The following PLOD1 variants were observed in gnomAD, a reference collection of about 807,000 sequenced individuals.
PLOD1 encodes procollagen-lysine,2-oxoglutarate 5-dioxygenase 1.
PLOD1 carries 70 observed loss-of-function variants against 94.7 expected under a neutral mutation model. The ratio of observed to expected loss-of-function variants is 0.74; its 90% CI spans 0.61 to 0.90. PLOD1 has a LOEUF of 0.90. PLOD1 is among the 40% of genes least tolerant of loss of function. PLOD1 has a pLI of 0.00. For synonymous variants in PLOD1, 417 were observed against 400.2 expected (o/e 1.04, Z -0.50); for missense variants, 905 against 972.7 (o/e 0.93, Z 0.93).
At position 11,960,784 on chromosome 1, in the gene PLOD1, A is replaced by T. The variant is rs202022200; in HGVS notation, c.1097+17A>T. 2.5e-6 allele frequency: 4 copies of T among 1,612,262 alleles called. No individual in the cohort carries two copies. The highest frequency in any genetic ancestry group is 3.4e-6 in the Non-Finnish European group (4 of 1,179,938). ...CATGGGCGCGTGAGTTGTGGGCCAC[A>T]GTACTCTCCACTGACAGTGGGGGCA... On this transcript the variant is annotated intron_variant, in intron 10 of 18. Transcript: ENST00000196061.
rs1557495610 is a variant in PLOD1 at position 11,963,822 on chromosome 1, TTCCTCCTTTTTCCTCC to T, written c.1202+194_1202+209del. 1.3e-5 allele frequency among the ~76,000 whole-genome samples: 2 copies of T among 151,546 alleles called. No homozygotes were observed. Among genetic ancestry groups the T allele is most frequent in the Admixed American group, 6.6e-5 (1 of 15,190 alleles). On this transcript the variant is annotated intron_variant, in intron 11 of 18. Coordinates refer to ENST00000196061, the MANE Select transcript of PLOD1 (RefSeq NM_000302.4). This position sits in a 1 kb window ranked among gnomAD's most constrained non-coding sequence, Gnocchi z 4.3. ...CCTCCTCCTCTTCCTCTTCCTCCTC[TTCCTCCTTTTTCCTCC>T]TCCTCCTCGTCTTCCTCATCCTCTT... is the stretch of plus-strand genomic sequence containing the variant.
chr1:11,973,710 A>C (rs1292009066), intron 18 of PLOD1, among the ~76,000 whole-genome samples: 1 of 151,632 alleles, frequency 6.6e-6, no homozygotes, highest in Non-Finnish European at 1.5e-5. Flanking sequence ...CCCCCCAAGT[A>C]GTTGGGACCA....
In PLOD1 at chr1:11,970,801, C is replaced by T. The variant is rs1359830439; in HGVS notation, c.1887C>T (p.Pro629=). 1.2e-5 allele frequency: 20 copies of T among 1,603,970 alleles called. No homozygotes were observed. Among genetic ancestry groups the T allele is most frequent in the Middle Eastern group, 1.6e-4 (1 of 6,064 alleles). Residue 629 remains proline (P), a synonymous_variant, in exon 17 of 19, where the codon CCC becomes CCT. Transcript: ENST00000196061. ...YIAPMTEKLY[P]GYYTRAQFDL... ...CGCCCATGACGGAGAAGCTCTACCC[C>T]GGCTACTACACCAGGGTGGGCAAGC...
At chr1:11,973,061 AG>A in intron 18 of PLOD1, 64 bp downstream of exon 18, 1 of 1,602,436 alleles carries the variant, frequency 6.2e-7, no homozygotes, top group Non-Finnish European at 8.5e-7. Flanking sequence ...AGCTGAGGAG[AG>A]GCTTCAGGGT....
rs11553674 is a variant in PLOD1 at position 11,958,600 on chromosome 1, C to T, written c.928C>T (p.Arg310Trp). The part of the protein sequence containing the change: ...FVSLFFQRLL[R>W]LHYPQKHMRL... ...GTCCCTGTTCTTCCAGCGGCTCCTG[C>T]GGCTCCACTACCCCCAGAAACACAT... Residue 310 changes from arginine to tryptophan, a missense_variant, in exon 9 of 19, where the codon CGG (arginine) becomes TGG (tryptophan). Coordinates refer to ENST00000196061, the MANE Select transcript of PLOD1 (RefSeq NM_000302.4). This position sits in a 1 kb window ranked among gnomAD's most constrained non-coding sequence, Gnocchi z 4.3. The T allele has an allele frequency of 3.7e-5, 59 of 1,613,968 alleles. 1 individual carries two copies. The highest frequency in any genetic ancestry group is 1.2e-4 in the Admixed American group (7 of 59,994).
intron 4 of PLOD1, 123 bp downstream of exon 4, chr1:11,950,643 G>A: frequency 3.7e-6 from 3 of 812,200 alleles, no homozygotes; most frequent in Admixed American, 4.7e-5. Context: ...AGAATGTCCT[G>A]AATAGAGCTC....
rs371007185 is a variant in PLOD1 at position 11,956,951 on chromosome 1, G to A, written c.678G>A (p.Val226=). Residue 226 remains valine (V), a synonymous_variant, in exon 7 of 19, where the codon GTG becomes GTA. Coordinates refer to ENST00000196061, the MANE Select transcript of PLOD1 (RefSeq NM_000302.4). The part of the protein sequence containing the change: ...EVVLKFEMGH[V]RARNLAYDTL... ...TGCTCAAGTTTGAAATGGGCCATGT[G>A]AGAGCGAGGAACCTGGCCTATGACA... is the stretch of plus-strand genomic sequence containing the variant. 1.7e-5 allele frequency: 27 copies of A among 1,613,784 alleles called. No individual in the cohort carries two copies. The African/African-American group carries it at 3.2e-4, about 19-fold the overall frequency.
At chr1:11,939,590 G>A (rs1325062637) in intron 1 of PLOD1, among the ~76,000 whole-genome samples, 6 of 152,050 alleles carry the variant, frequency 3.9e-5, no homozygotes, top group East Asian at 1.9e-4. Flanking sequence ...AGCCCTCACC[G>A]TCAGTCTCTC....
rs150747418 is a variant in PLOD1 at position 11,967,181 on chromosome 1, T to G, written c.1755+90T>G. 537 of 840,632 alleles carry G rather than the reference T, an allele frequency of 6.4e-4. No individual in the cohort carries two copies. In the African/African-American group the frequency reaches 7.2e-3, roughly 11 times the overall value. 52.1% of individuals were successfully genotyped at this position (840,632 alleles called of 1,614,324 possible). ...TCTGGGGTCTTCTGGCAAGCTGGCC[T>G]GGCCACCCTTTCTGGGACTCTTGAC... is the stretch of plus-strand genomic sequence containing the variant. On this transcript the variant is annotated intron_variant, in intron 16 of 18. Coordinates refer to ENST00000196061, the MANE Select transcript of PLOD1 (RefSeq NM_000302.4).
In PLOD1 at chr1:11,965,554, C is replaced by T. The variant is rs146975823; in HGVS notation, c.1545C>T (p.His515=). 3 of 1,613,472 alleles carry T rather than the reference C, an allele frequency of 1.9e-6. No individual in the cohort carries two copies. Among genetic ancestry groups the T allele is most frequent in the Non-Finnish European group, 2.5e-6 (3 of 1,179,776 alleles). ...LLSLDSYRTT[H]LHNDLWEVFS... is the part of the protein sequence containing the mutation. ...CCCTAGACAGCTACCGCACCACCCA[C>T]CTGCACAACGACCTCTGGGAGGTGT... Residue 515 remains histidine (H), a synonymous_variant, in exon 14 of 19, where the codon CAC becomes CAT. Coordinates refer to ENST00000196061, the MANE Select transcript of PLOD1 (RefSeq NM_000302.4).
chr1:11,944,671 G>A (rs761148238), intron 1 of PLOD1: 2 of 1,340,338 alleles, frequency 1.5e-6, no homozygotes, highest in Non-Finnish European at 2.0e-6. Flanking sequence ...AGGTAGTGAG[G>A]CCTCTCCTTC....
rs1645817326 is a variant in PLOD1, at chr1:11,966,313, G to C, written c.1647G>C (p.Glu549Asp). 1 of 1,603,762 alleles carries C rather than the reference G, an allele frequency of 6.2e-7. No individual in the cohort carries two copies. Among genetic ancestry groups the C allele is most frequent in the Non-Finnish European group, 8.5e-7 (1 of 1,174,570 alleles). ...AAGCCCTGGCAGGGAAGCTGGTGGA[G>C]ACGGTAAGGGCCATGGACACCCTCT... ...YTKALAGKLVETPCPDVYWFP... is the reference protein window; with the variant it reads ...YTKALAGKLVDTPCPDVYWFP... The change falls in exon 15 of 19, where the codon GAG becomes GAC. Residue 549 changes from glutamate (E) to aspartate (D), a missense_variant. Transcript: ENST00000196061.
At position 11,942,946 on chromosome 1, in the gene PLOD1, C is replaced by A. The variant is rs182670448; in HGVS notation, c.77-5030C>A. Among the ~76,000 whole-genome samples the A allele has an allele frequency of 2.1e-4, 32 of 152,160 alleles. No individual in the cohort carries two copies. In the East Asian group the frequency reaches 6.2e-3, roughly 29 times the overall value. On this transcript the variant is annotated intron_variant, in intron 1 of 18. Transcript: ENST00000196061. The stretch of plus-strand genomic sequence containing the variant: ...ACCAGAGAGGCAGGCTCTGCGTGGC[C>A]CAAGGAACCCGGGAGTTTTTTTTGT...
intron 9 of PLOD1, among the ~76,000 whole-genome samples, chr1:11,959,045 A>G (rs923206572): frequency 1.3e-5 from 2 of 152,038 alleles, no homozygotes; most frequent in Non-Finnish European, 1.5e-5. Context: ...CCTCTACTAA[A>G]AATACAAAAT....
intron 11 of PLOD1, 151 bp from the exon 12 acceptor site, chr1:11,964,024 C>A: frequency 1.2e-6 from 1 of 850,692 alleles, no homozygotes; most frequent in Non-Finnish European, 2.0e-6. Flanking sequence ...AAACCCCCGA[C>A]ACCCCGGCCA....
At position 11,954,907 on chromosome 1, in the gene PLOD1, A is replaced by C. The variant is rs774767418; in HGVS notation, c.643+14A>C. The C allele has an allele frequency of 2.5e-6, 4 of 1,602,928 alleles. No homozygotes were observed. Among genetic ancestry groups the C allele is most frequent in the Non-Finnish European group, 2.6e-6 (3 of 1,169,944 alleles). On this transcript the variant is annotated intron_variant, in intron 6 of 18. Coordinates refer to ENST00000196061, the MANE Select transcript of PLOD1 (RefSeq NM_000302.4). ...ATGGAGCCTTGGGTGAGCAGCCCCC[A>C]CGGGGAGGGGTGGATCCTCAGAGGG...
chr1:11,937,948 A>G (rs925344958), intron 1 of PLOD1, among the ~76,000 whole-genome samples: 9 of 102,618 alleles, frequency 8.8e-5, no homozygotes, highest in Admixed American at 3.0e-4. Flanking sequence ...TTAAGTTTTC[A>G]TTTTCTTTTT....
rs770147701 is a variant in PLOD1, at chr1:11,954,887, G to A, written c.637G>A (p.Ala213Thr). 2 of 1,612,558 alleles carry A rather than the reference G, an allele frequency of 1.2e-6. No individual in the cohort carries two copies. Among genetic ancestry groups the A allele is most frequent in the East Asian group, 2.2e-5 (1 of 44,878 alleles). ...RCRIFQNLDG[A>T]LDEVVLKFEM... ...CCGTATCTTCCAGAACCTGGATGGA[G>A]CCTTGGGTGAGCAGCCCCCACGGGG... Residue 213 changes from alanine to threonine, a missense_variant, in exon 6 of 19, where the codon GCC becomes ACC. Ala to Thr is a moderately conservative substitution (Grantham distance 58, BLOSUM62 0). Coordinates refer to ENST00000196061, the MANE Select transcript of PLOD1 (RefSeq NM_000302.4).
intron 18 of PLOD1, among the ~76,000 whole-genome samples, chr1:11,974,201 G>GA (rs1645886098): frequency 7.0e-6 from 1 of 143,724 alleles, no homozygotes; most frequent in Non-Finnish European, 1.5e-5. Context: ...TACTCTTTGG[G>GA]TTTTTTTTTT....
Sources: gnomAD v4.1 joint callset for allele counts (sites outside exome capture counted in the v4.1 genomes callset) on GRCh38, gnomAD v4.1.1 for gene constraint, Gnocchi (gnomAD v3.1) non-coding constraint, MANE v1.5 for transcripts, NCBI Gene and HGNC (gene_info 2026-07-23, HGNC 2026-07-21) for gene names.